The following VAV3 variants were observed in gnomAD, a reference collection of about 807,000 sequenced individuals.
VAV3 encodes the protein guanine nucleotide exchange factor VAV3.
Under a neutral mutation model 131.2 loss-of-function variants are expected in VAV3, and 94 were observed. The observed-to-expected ratio is 0.72, with a 90% CI of 0.61 to 0.85. The LOEUF (loss-of-function observed/expected upper bound fraction) is 0.85. Ranked by LOEUF, VAV3 falls within the 40% of genes least tolerant of loss-of-function variation. The pLI is 0.00. For missense variants in VAV3, 939 were observed against 1,002.7 expected (o/e 0.94, Z 0.86); for synonymous variants, 349 against 342.0 (o/e 1.02, Z -0.22).
At chr1:107,714,157 C>T (rs1358489758) in intron 15 of VAV3, among the ~76,000 whole-genome samples, 1 of 152,048 alleles carries the variant, frequency 6.6e-6, no homozygotes. Context: ...TAGAAATTGA[C>T]CTTTTGAGAC....
At chr1:107,893,846 A>G (rs1240725640) in intron 1 of VAV3, among the ~76,000 whole-genome samples, 1 of 152,190 alleles carries the variant, frequency 6.6e-6, no homozygotes, top group East Asian at 1.9e-4. Context: ...ACCATATCTA[A>G]CTTTTTTCCT....
At chr1:107,598,906 T>C (rs1329903492) in intron 24 of VAV3, among the ~76,000 whole-genome samples, 1 of 152,176 alleles carries the variant, frequency 6.6e-6, no homozygotes, top group East Asian at 1.9e-4. Context: ...TGTTATTTTC[T>C]TTAGCAAATG....
At chr1:107,924,772 T>C (rs1410040783) in intron 1 of VAV3, among the ~76,000 whole-genome samples, 1 of 152,178 alleles carries the variant, frequency 6.6e-6, no homozygotes, top group East Asian at 1.9e-4. Context: ...ACTGTGACCA[T>C]ATGTTCCCTG....
At chr1:107,636,752 A>G (rs1403642398) in intron 20 of VAV3, among the ~76,000 whole-genome samples, 3 of 152,192 alleles carry the variant, frequency 2.0e-5, no homozygotes, top group Non-Finnish European at 4.4e-5. Context: ...ATTAAATCAA[A>G]CCATCATAAG....
At chr1:107,662,084 C>G (rs755132050) in intron 19 of VAV3, among the ~76,000 whole-genome samples, 1 of 152,046 alleles carries the variant, frequency 6.6e-6, no homozygotes, top group Non-Finnish European at 1.5e-5. Context: ...TGGCATAGAC[C>G]TAAAATTTGA....
At chr1:107,917,302 C>G (rs1466865525) in intron 1 of VAV3, among the ~76,000 whole-genome samples, 2 of 152,166 alleles carry the variant, frequency 1.3e-5, no homozygotes, top group Admixed American at 6.5e-5. Context: ...AGACAGCTCA[C>G]TCAGCATTCA....
intron 1 of VAV3, among the ~76,000 whole-genome samples, chr1:107,929,400 C>A (rs958090168): frequency 1.3e-5 from 2 of 151,758 alleles, no homozygotes; most frequent in African/African-American, 2.4e-5. Context: ...TAAGGAATTT[C>A]ATCAACACCA....
intron 12 of VAV3, 77 bp from the exon 13 acceptor site, chr1:107,751,279 C>T: frequency 7.4e-6 from 8 of 1,079,368 alleles, no homozygotes; most frequent in Non-Finnish European, 9.7e-6. Flanking sequence ...GAGATATTTA[C>T]TCAAGACAAC....
chr1:107,882,603 G>A (rs572564954), intron 1 of VAV3, among the ~76,000 whole-genome samples: 15 of 152,158 alleles, frequency 9.9e-5, no homozygotes, highest in Non-Finnish European at 2.1e-4. Context: ...TCTTACTGGA[G>A]TTCCCTATTT....
At chr1:107,855,735 A>C (rs1322136973) in intron 2 of VAV3, among the ~76,000 whole-genome samples, 1 of 152,196 alleles carries the variant, frequency 6.6e-6, no homozygotes, top group African/African-American at 2.4e-5. Flanking sequence ...GAGGACTACA[A>C]AACCTAATGA....
chr1:107,912,142 C>G (rs935068956), intron 1 of VAV3, among the ~76,000 whole-genome samples: 1 of 152,088 alleles, frequency 6.6e-6, no homozygotes, highest in Non-Finnish European at 1.5e-5. Context: ...AGAAAACACA[C>G]CTATGACTAT....
chr1:107,820,383 C>A (rs1310000923), intron 2 of VAV3, among the ~76,000 whole-genome samples: 1 of 152,120 alleles, frequency 6.6e-6, no homozygotes, highest in East Asian at 1.9e-4. Flanking sequence ...TTCACATGTT[C>A]TCACTCATCT....
chr1:107,685,328 A>T (rs1428829446), intron 18 of VAV3, among the ~76,000 whole-genome samples: 1 of 152,212 alleles, frequency 6.6e-6, no homozygotes, highest in African/African-American at 2.4e-5. Context: ...GTTCCTCTAT[A>T]AAATGGAGAT....
chr1:107,653,500 G>A (rs915909916), intron 19 of VAV3, among the ~76,000 whole-genome samples: 3 of 151,930 alleles, frequency 2.0e-5, no homozygotes, highest in South Asian at 2.1e-4. Flanking sequence ...CAAACTCTGA[G>A]GATCCGCAAT....
Position 107,755,421 on chromosome 1 carries a change from A to G in VAV3, c.1173+6T>C. ...GGGGAAGCTGGATGGAAAGATAATT[A>G]CATACCAAATTCTCTATAGATAGCT... On this transcript the variant is annotated splice_donor_region_variant and intron_variant, in intron 12 of 26. Coordinates refer to ENST00000370056, the MANE Select transcript of VAV3 (RefSeq NM_006113.5). 6.3e-7 allele frequency: 1 copy of G among 1,595,996 alleles called. No individual in the cohort carries two copies. The highest frequency in any genetic ancestry group is 8.6e-7 in the Non-Finnish European group (1 of 1,163,728).
chr1:107,610,282 A>G (rs1652631179), intron 21 of VAV3, among the ~76,000 whole-genome samples: 1 of 152,206 alleles, frequency 6.6e-6, no homozygotes, highest in South Asian at 2.1e-4. Context: ...AGAAAACTAA[A>G]GTGAAAACGT....
chr1:107,604,651 C>A (rs945641613), intron 22 of VAV3, among the ~76,000 whole-genome samples: 1 of 152,180 alleles, frequency 6.6e-6, no homozygotes, highest in Non-Finnish European at 1.5e-5. Flanking sequence ...TCTGACCATA[C>A]CATCTAAAGA....
At chr1:107,733,240 T>C (rs1036976763) in intron 15 of VAV3, among the ~76,000 whole-genome samples, 2 of 152,084 alleles carry the variant, frequency 1.3e-5, no homozygotes, top group Non-Finnish European at 2.9e-5. Flanking sequence ...TAGGTCACCA[T>C]CATCAAAGAC....
rs1268535808 is a variant in VAV3 at position 107,964,652 on chromosome 1, G to C, written c.204+14C>G. On this transcript the variant is annotated intron_variant, in intron 1 of 26. Transcript: ENST00000370056. Reference sequence around the variant, plus strand: ...TGCCGGCTGGAGGCGGGGCGCCCGTGCCGGCCTCCTCACCTGGGACATCTG... The same window carrying C: ...TGCCGGCTGGAGGCGGGGCGCCCGTCCCGGCCTCCTCACCTGGGACATCTG... 2.5e-6 allele frequency: 4 copies of C among 1,608,304 alleles called. No individual in the cohort carries two copies. Among genetic ancestry groups the C allele is most frequent in the Non-Finnish European group, 3.4e-6 (4 of 1,177,092 alleles).
Sources: allele counts gnomAD v4.1 joint callset (sites outside exome capture counted in the v4.1 genomes callset), GRCh38; gene constraint gnomAD v4.1.1; transcripts MANE v1.5; gene names NCBI Gene and HGNC (gene_info 2026-07-23, HGNC 2026-07-21).